Variants in SAMD4A observed in about 807,000 individuals in gnomAD.
SAMD4A encodes the protein protein Smaug homolog 1.
SAMD4A carries 33 observed loss-of-function variants against 81.3 expected under a neutral mutation model. That is an observed-to-expected ratio of 0.41 (90% CI 0.31 to 0.54). SAMD4A has a LOEUF of 0.54. Among genes scored for constraint, SAMD4A ranks in the 20% least tolerant of loss-of-function variants. The pLI, the probability that SAMD4A is intolerant of heterozygous loss-of-function variation, is 0.37. For missense variants in SAMD4A, 854 were observed against 951.1 expected, an observed-to-expected ratio of 0.90 and a Z score of 1.34; for synonymous variants, 389 against 382.1, an observed-to-expected ratio of 1.02 and a Z score of -0.21.
chr14:54,638,659 G>T (rs953435733), intron 2 of SAMD4A, among the ~76,000 whole-genome samples: 1 of 152,104 alleles, frequency 6.6e-6, no homozygotes, highest in African/African-American at 2.4e-5. Context: ...GCTATTTTTT[G>T]AACAACAAGA....
chr14:54,755,236 G>A (rs1444915798), intron 6 of SAMD4A, among the ~76,000 whole-genome samples: 1 of 152,146 alleles, frequency 6.6e-6, no homozygotes, highest in African/African-American at 2.4e-5. Context: ...TAGTATTTGG[G>A]GACAGAAAAG....
chr14:54,777,006 A>G (rs1566635073), intron 11 of SAMD4A, among the ~76,000 whole-genome samples: 1 of 152,224 alleles, frequency 6.6e-6, no homozygotes, highest in South Asian at 2.1e-4. Flanking sequence ...TTACTTGGTT[A>G]AAGAGCAACT....
intron 2 of SAMD4A, among the ~76,000 whole-genome samples, chr14:54,614,097 C>T (rs932941800): frequency 4.6e-5 from 7 of 152,140 alleles, no homozygotes; most frequent in Admixed American, 4.6e-4. Flanking sequence ...AGAGCATATC[C>T]TAACAGATTG....
intron 7 of SAMD4A, among the ~76,000 whole-genome samples, chr14:54,761,297 G>T (rs1258428157): frequency 4.6e-5 from 7 of 152,182 alleles, no homozygotes. Context: ...TTTGAACCCT[G>T]CAGTCTCTCC....
At chr14:54,776,015 TAAAAAAA>T (rs10539223) in intron 10 of SAMD4A, among the ~76,000 whole-genome samples, 105 of 89,840 alleles carry the variant, frequency 1.2e-3, no homozygotes, top group African/African-American at 1.7e-3. Context: ...GTAAGAATCT[TAAAAAAA>T]AAAAAAAAAA....
rs893686715 is a variant in SAMD4A, at chr14:54,759,265, C to A, written c.1177-896C>A. On this transcript the variant is annotated intron_variant, in intron 6 of 12. Coordinates refer to ENST00000554335, the MANE Select transcript of SAMD4A (RefSeq NM_015589.6). Reference sequence around the variant, plus strand: ...CCATCTTAGACTAGATTTCAGCATCCCTGCCCTGGCCCAAGGCCTCCAGGC... The same window carrying A: ...CCATCTTAGACTAGATTTCAGCATCACTGCCCTGGCCCAAGGCCTCCAGGC... 4.6e-5 allele frequency among the ~76,000 whole-genome samples: 7 copies of A among 152,316 alleles called. 1 individual carries two copies. The highest frequency in any genetic ancestry group is 1.7e-4 in the African/African-American group (7 of 41,558).
chr14:54,570,932 C>T (rs1357641993), intron 2 of SAMD4A, among the ~76,000 whole-genome samples: 1 of 152,102 alleles, frequency 6.6e-6, no homozygotes, highest in East Asian at 1.9e-4. Flanking sequence ...ATTTTGTAAT[C>T]ATCAATTTAA....
At chr14:54,621,905 A>G (rs1257713353) in intron 2 of SAMD4A, among the ~76,000 whole-genome samples, 2 of 152,150 alleles carry the variant, frequency 1.3e-5, no homozygotes. Flanking sequence ...TTGGGGAGAA[A>G]CAACTCATCT....
chr14:54,605,825 G>A (rs547715485), intron 2 of SAMD4A, among the ~76,000 whole-genome samples: 1 of 151,660 alleles, frequency 6.6e-6, no homozygotes, highest in African/African-American at 2.4e-5. Context: ...ATATAAACAT[G>A]CCCATATATA....
At chr14:54,650,418 T>C (rs923812375) in intron 2 of SAMD4A, among the ~76,000 whole-genome samples, 23 of 152,248 alleles carry the variant, frequency 1.5e-4, no homozygotes, top group African/African-American at 5.5e-4. Flanking sequence ...TGGCCCATTG[T>C]TGAAGATCAA....
chr14:54,638,377 C>T (rs940569907), intron 2 of SAMD4A, among the ~76,000 whole-genome samples: 2 of 152,240 alleles, frequency 1.3e-5, no homozygotes, highest in Non-Finnish European at 2.9e-5. Context: ...CAAATCCCTG[C>T]GTGCATTAAT....
At chr14:54,674,883 G>A (rs2035957297) in intron 2 of SAMD4A, among the ~76,000 whole-genome samples, 1 of 152,174 alleles carries the variant, frequency 6.6e-6, no homozygotes, top group Non-Finnish European at 1.5e-5. Context: ...TGAGTACTGG[G>A]AATATTAGGC....
At chr14:54,626,871 C>T (rs1300704214) in intron 2 of SAMD4A, among the ~76,000 whole-genome samples, 1 of 152,088 alleles carries the variant, frequency 6.6e-6, no homozygotes, top group African/African-American at 2.4e-5. Context: ...ATTATTATAC[C>T]CATTTTAGAG....
At chr14:54,638,314 G>A (rs530426326) in intron 2 of SAMD4A, among the ~76,000 whole-genome samples, 2 of 152,286 alleles carry the variant, frequency 1.3e-5, no homozygotes, top group Admixed American at 6.5e-5. Context: ...CATAAACGTT[G>A]CGCATGGAAT....
intron 2 of SAMD4A, among the ~76,000 whole-genome samples, chr14:54,651,631 CTT>C (rs1384073275): frequency 2.0e-5 from 3 of 152,146 alleles, no homozygotes; most frequent in Non-Finnish European, 4.4e-5. Flanking sequence ...AGAATAACCT[CTT>C]TTGAATGATT....
intron 2 of SAMD4A, among the ~76,000 whole-genome samples, chr14:54,686,440 T>G (rs1008808135): frequency 6.6e-6 from 1 of 152,088 alleles, no homozygotes; most frequent in African/African-American, 2.4e-5. Flanking sequence ...TCAGGGAGAT[T>G]TTTATTTGCA....
chr14:54,765,816 CG>C (rs1566627908), intron 8 of SAMD4A, among the ~76,000 whole-genome samples: 2 of 152,120 alleles, frequency 1.3e-5, no homozygotes. Context: ...GAAGTTCTCA[CG>C]GCCCTCACCC....
At position 54,702,283 on chromosome 14, in the gene SAMD4A, C is replaced by T. The variant is rs1165045041; in HGVS notation, c.418C>T (p.Arg140Cys). The T allele has an allele frequency of 1.9e-6, 3 of 1,614,184 alleles. No homozygotes were observed. The highest frequency in any genetic ancestry group is 4.5e-5 in the East Asian group (2 of 44,886). Residue 140 changes from arginine (R) to cysteine (C), a missense_variant, in exon 3 of 13, where the codon CGT (arginine) becomes TGT (cysteine). This residue lies in a region of SAMD4A where 387 missense variants were observed against 405.8 expected (regional missense o/e 0.95). Transcript: ENST00000554335. ...LIHPATSLED[R>C]SALAMWLNHL... Reference sequence around the variant, plus strand: ...ACATCCAGCCACTTCGTTAGAAGACCGTAGTGCTTTAGCCATGTGGCTGAA... The same window carrying T: ...ACATCCAGCCACTTCGTTAGAAGACTGTAGTGCTTTAGCCATGTGGCTGAA...
At chr14:54,687,549 A>G (rs2036306781) in intron 2 of SAMD4A, 1 of 360,206 alleles carries the variant, frequency 2.8e-6, no homozygotes, top group Admixed American at 3.7e-5. Flanking sequence ...GTATGTTACT[A>G]AGCCGGTGAC....
Sources: gnomAD v4.1 joint callset for allele counts (sites outside exome capture counted in the v4.1 genomes callset) on GRCh38, gnomAD v4.1.1 for gene constraint, gnomAD v4.1.1 regional missense constraint, MANE v1.5 for transcripts, NCBI Gene and HGNC (gene_info 2026-07-23, HGNC 2026-07-21) for gene names.